The following DLGAP2 variants were observed in gnomAD, a reference collection of about 807,000 sequenced individuals.
The protein encoded by DLGAP2 is DLG associated protein 2, also known as disks large-associated protein 2.
A neutral mutation model predicts 100.3 loss-of-function variants in DLGAP2; 26 were observed. The ratio of observed to expected loss-of-function variants is 0.26; its 90% CI spans 0.19 to 0.36. DLGAP2 has a LOEUF of 0.36. Ranked by LOEUF, DLGAP2 falls within the 10% of genes least tolerant of loss-of-function variation. The pLI is 1.00. For synonymous variants in DLGAP2, 886 were observed against 630.1 expected (o/e 1.41, Z -6.08); for missense variants, 1,858 against 1,453.2 (o/e 1.28, Z -4.53).
intron 4 of DLGAP2, among the ~76,000 whole-genome samples, chr8:1,532,242 G>C: frequency 6.6e-6 from 1 of 152,112 alleles, no homozygotes; most frequent in Middle Eastern, 3.2e-3. Flanking sequence ...ACATAACATG[G>C]GGGAGGTCCT....
chr8:985,169 G>A (rs1193045686), intron 2 of DLGAP2, among the ~76,000 whole-genome samples: 1 of 152,188 alleles, frequency 6.6e-6, no homozygotes, highest in African/African-American at 2.4e-5. Flanking sequence ...TTGTGTGCAG[G>A]TTACAGCCTG....
At chr8:1,670,357 C>T (rs1046088201) in intron 10 of DLGAP2, among the ~76,000 whole-genome samples, 4 of 152,250 alleles carry the variant, frequency 2.6e-5, no homozygotes, top group African/African-American at 9.6e-5. Flanking sequence ...AGCCCTCTTC[C>T]GCTCCCAGCT....
At chr8:1,036,094 C>A (rs867407982) in intron 2 of DLGAP2, among the ~76,000 whole-genome samples, 15 of 140,608 alleles carry the variant, frequency 1.1e-4, no homozygotes, top group Admixed American at 1.1e-3. Context: ...CTCATCCCGA[C>A]CCCGCGTGTC....
chr8:770,273 G>A (rs535679201), intron 1 of DLGAP2, among the ~76,000 whole-genome samples: 45 of 152,214 alleles, frequency 3.0e-4, no homozygotes, highest in African/African-American at 8.4e-4. Flanking sequence ...TGGCGTGCGT[G>A]GCTCAGAGGG....
chr8:782,192 T>A (rs1821708552), intron 1 of DLGAP2, among the ~76,000 whole-genome samples: 1 of 151,980 alleles, frequency 6.6e-6, no homozygotes, highest in Admixed American at 6.6e-5. Flanking sequence ...GCACATTTAT[T>A]ATGTTTCAAT....
At chr8:1,108,920 G>T (rs1429624990) in intron 2 of DLGAP2, among the ~76,000 whole-genome samples, 1 of 137,264 alleles carries the variant, frequency 7.3e-6, no homozygotes, top group African/African-American at 2.8e-5. Flanking sequence ...AAGTGTGCTG[G>T]ATCTGTGAGG....
chr8:1,384,030 G>T (rs1344360382), intron 3 of DLGAP2, among the ~76,000 whole-genome samples: 1 of 152,156 alleles, frequency 6.6e-6, no homozygotes, highest in Non-Finnish European at 1.5e-5. Flanking sequence ...AACAAGAAAG[G>T]GGTTTTCGTT....
intron 3 of DLGAP2, among the ~76,000 whole-genome samples, chr8:1,305,242 G>C (rs1466129429): frequency 6.6e-6 from 1 of 152,212 alleles, no homozygotes; most frequent in East Asian, 1.9e-4. Flanking sequence ...ATGTTAGGGA[G>C]TTGTGAAAAT....
chr8:1,516,023 G>GAGTA (rs1800360859), intron 4 of DLGAP2, among the ~76,000 whole-genome samples: 1 of 144,018 alleles, frequency 6.9e-6, no homozygotes, highest in Non-Finnish European at 1.6e-5. Flanking sequence ...GTGCATGAAT[G>GAGTA]AGTGAGTGAA....
At chr8:1,436,722 CACCCATTCACTCACCCACTT>C (rs999778069) in intron 3 of DLGAP2, among the ~76,000 whole-genome samples, 3 of 152,190 alleles carry the variant, frequency 2.0e-5, no homozygotes, top group African/African-American at 2.4e-5. Context: ...ACTCCCCACT[CACCCATTCACTCACCCACTT>C]ACCCATTCAC....
At chr8:842,755 A>T (rs919384157) in intron 1 of DLGAP2, among the ~76,000 whole-genome samples, 3 of 151,476 alleles carry the variant, frequency 2.0e-5, no homozygotes. Context: ...TCAACCTTAT[A>T]TTTTTCTTAA....
chr8:1,376,640 G>A (rs1482716689), intron 3 of DLGAP2, among the ~76,000 whole-genome samples: 2 of 148,540 alleles, frequency 1.3e-5, no homozygotes, highest in African/African-American at 2.5e-5. Context: ...TCACAGGGCT[G>A]CCAAGACCCT....
intron 3 of DLGAP2, among the ~76,000 whole-genome samples, chr8:1,325,194 A>G (rs1230513684): frequency 1.3e-5 from 2 of 152,148 alleles, no homozygotes; most frequent in Non-Finnish European, 2.9e-5. Context: ...TGGTCTTCTC[A>G]GCGAGGCTGT....
At chr8:1,283,048 A>T (rs1330562143) in intron 3 of DLGAP2, among the ~76,000 whole-genome samples, 1 of 117,942 alleles carries the variant, frequency 8.5e-6, no homozygotes, top group Non-Finnish European at 1.7e-5. Flanking sequence ...CCATCTGGAC[A>T]TGGTGTGACC....
intron 2 of DLGAP2, among the ~76,000 whole-genome samples, chr8:909,905 A>G (rs1432810301): frequency 6.6e-6 from 1 of 152,256 alleles, no homozygotes; most frequent in African/African-American, 2.4e-5. Flanking sequence ...AGACCTCAAC[A>G]CAGCGGAGGT....
rs576357682 is a variant in DLGAP2 at position 1,200,956 on chromosome 8, C to T, written c.74-57895C>T. On this transcript the variant is annotated intron_variant, in intron 2 of 14. Coordinates refer to ENST00000637795, the MANE Select transcript of DLGAP2 (RefSeq NM_001346810.2). ...AGCTCCAGGAGCGTGTTGTGCACGG[C>T]GGGGCGCTGCGCTCGGCCTTAGGGA... Among the ~76,000 whole-genome samples, 3 of 152,298 alleles carry T rather than the reference C, an allele frequency of 2.0e-5. No individual in the cohort carries two copies. The East Asian group carries it at 5.8e-4, about 30-fold the overall frequency.
At chr8:924,485 GC>G (rs1798773460) in intron 2 of DLGAP2, among the ~76,000 whole-genome samples, 1 of 152,130 alleles carries the variant, frequency 6.6e-6, no homozygotes, top group South Asian at 2.1e-4. Flanking sequence ...GAAGTTTAGT[GC>G]TGGCCTTGCC....
intron 2 of DLGAP2, among the ~76,000 whole-genome samples, chr8:1,129,716 C>A (rs1585087836): frequency 1.3e-5 from 2 of 152,140 alleles, no homozygotes; most frequent in African/African-American, 4.8e-5. Context: ...TCCATTCTCC[C>A]ACGTTGTACC....
At chr8:1,364,161 G>C (rs532217497) in intron 3 of DLGAP2, among the ~76,000 whole-genome samples, 21 of 152,318 alleles carry the variant, frequency 1.4e-4, no homozygotes, top group Non-Finnish European at 2.6e-4. Context: ...CCTCCCACTG[G>C]ATGACATGTT....
Sources: gnomAD v4.1 joint callset for allele counts (sites outside exome capture counted in the v4.1 genomes callset) on GRCh38, gnomAD v4.1.1 for gene constraint, MANE v1.5 for transcripts, NCBI Gene and HGNC (gene_info 2026-07-23, HGNC 2026-07-21) for gene names.